GPM6A: variants seen among roughly 807,000 people sequenced by gnomAD.
GPM6A encodes the protein glycoprotein M6A.
GPM6A carries 7 observed loss-of-function variants against 32.1 expected under a neutral mutation model. The observed-to-expected ratio is 0.22, with a 90% CI of 0.12 to 0.41. The LOEUF (loss-of-function observed/expected upper bound fraction) is 0.41, where lower values mean the gene tolerates loss of function less well. Among genes scored for constraint, GPM6A ranks in the 10% least tolerant of loss-of-function variants. The pLI is 1.00. For synonymous variants in GPM6A, 130 were observed against 123.4 expected (o/e 1.05, Z -0.35); for missense variants, 235 against 347.2 (o/e 0.68, Z 2.57).
At chr4:175,669,919 T>C (rs1742959330) in intron 3 of GPM6A, among the ~76,000 whole-genome samples, 1 of 151,828 alleles carries the variant, frequency 6.6e-6, no homozygotes. Flanking sequence ...GAAACTTCTA[T>C]AAACCACTGG....
intron 1 of GPM6A, among the ~76,000 whole-genome samples, chr4:175,770,163 A>G (rs1472135124): frequency 6.6e-6 from 1 of 152,138 alleles, no homozygotes; most frequent in African/African-American, 2.4e-5. Context: ...AGTAGCTGAT[A>G]TTACAGGCAT....
At chr4:175,893,906 A>C (rs1464715221) in intron 1 of GPM6A, among the ~76,000 whole-genome samples, 1 of 152,204 alleles carries the variant, frequency 6.6e-6, no homozygotes, top group Non-Finnish European at 1.5e-5. Context: ...ATTAATTAAC[A>C]AAATGATATA....
rs74726482 is a variant in GPM6A, at chr4:175,742,953, C to T, written c.38-41186G>A. Among the ~76,000 whole-genome samples, 1,052 of 151,856 alleles carry T rather than the reference C, an allele frequency of 6.9e-3. 32 individuals are homozygous for T. In the East Asian group the frequency reaches 0.098, roughly 14 times the overall value. ...CTTGAGACCAGGGATTTGAGACTTG[C>T]CTGGGCAACATTGTAAGACCCCATT... On this transcript the variant is annotated intron_variant, in intron 1 of 6. Transcript: ENST00000393658.
intron 1 of GPM6A, among the ~76,000 whole-genome samples, chr4:175,791,771 G>A (rs541712158): frequency 9.9e-5 from 15 of 151,776 alleles, no homozygotes; most frequent in African/African-American, 3.4e-4. Flanking sequence ...ACACACACAC[G>A]CACACACAGA....
chr4:175,853,449 GT>G (rs1736321410), intron 1 of GPM6A, among the ~76,000 whole-genome samples: 1 of 148,838 alleles, frequency 6.7e-6, no homozygotes, highest in Admixed American at 6.7e-5. Context: ...TATTAAGGAA[GT>G]ATTAAATAAT....
chr4:175,817,720 A>T (rs981096108), intron 1 of GPM6A, among the ~76,000 whole-genome samples: 2 of 152,200 alleles, frequency 1.3e-5, no homozygotes, highest in African/African-American at 2.4e-5. Flanking sequence ...ATGAAGGCCT[A>T]TGGAGGGGGA....
intron 3 of GPM6A, among the ~76,000 whole-genome samples, chr4:175,661,338 G>C (rs931419497): frequency 6.6e-6 from 1 of 151,620 alleles, no homozygotes; most frequent in South Asian, 2.1e-4. Flanking sequence ...GGGAGGCTGA[G>C]CCAGGAGAAT....
intron 1 of GPM6A, among the ~76,000 whole-genome samples, chr4:175,847,160 A>T (rs1736116804): frequency 6.6e-6 from 1 of 152,144 alleles, no homozygotes; most frequent in Non-Finnish European, 1.5e-5. Context: ...GCCATTCAAC[A>T]CATCTTTGAA....
rs371038048 is a variant in GPM6A at position 175,818,318 on chromosome 4, T to C, written c.-22-6069A>G. 3.9e-5 allele frequency among the ~76,000 whole-genome samples: 6 copies of C among 152,348 alleles called. No homozygotes were observed. In the East Asian group the frequency reaches 9.6e-4, roughly 24 times the overall value. On this transcript the variant is annotated intron_variant, in intron 1 of 7. Coordinates refer to the GPM6A transcript ENST00000280187. ...TCAGATAGCTAGATCTACTCAGATC[T>C]CAGCTGGAAAGTGTTATCCTCAGGC...
intron 1 of GPM6A, among the ~76,000 whole-genome samples, chr4:175,848,661 C>T (rs983141595): frequency 2.6e-5 from 4 of 152,078 alleles, no homozygotes; most frequent in South Asian, 4.1e-4. Context: ...ATCCTGTACA[C>T]GTAAAATGAG....
chr4:175,866,624 T>C (rs1579579558), intron 1 of GPM6A, among the ~76,000 whole-genome samples: 1 of 152,190 alleles, frequency 6.6e-6, no homozygotes, highest in Admixed American at 6.6e-5. Flanking sequence ...ATGAATAATA[T>C]TTAATTGTCT....
intron 1 of GPM6A, among the ~76,000 whole-genome samples, chr4:175,930,790 C>A (rs1739014170): frequency 6.6e-6 from 1 of 151,980 alleles, no homozygotes; most frequent in South Asian, 2.1e-4. Context: ...GATTTTATTT[C>A]TTCTCAGTTA....
intron 1 of GPM6A, among the ~76,000 whole-genome samples, chr4:175,957,931 C>T (rs1740040402): frequency 6.6e-6 from 1 of 152,164 alleles, no homozygotes; most frequent in Non-Finnish European, 1.5e-5. Context: ...CTCACTGCAA[C>T]ACCCAGGCTG....
intron 1 of GPM6A, among the ~76,000 whole-genome samples, chr4:175,764,634 T>C (rs1172753851): frequency 6.6e-6 from 1 of 152,092 alleles, no homozygotes; most frequent in African/African-American, 2.4e-5. Context: ...ATAAAATGTA[T>C]ATCCTCAATG....
At chr4:175,667,445 T>G (rs1232649427) in intron 3 of GPM6A, among the ~76,000 whole-genome samples, 1 of 152,180 alleles carries the variant, frequency 6.6e-6, no homozygotes, top group Non-Finnish European at 1.5e-5. Context: ...ATGTTGTAGT[T>G]CTTAGTAGTC....
chr4:175,961,783 T>C (rs1161329473), intron 1 of GPM6A, among the ~76,000 whole-genome samples: 1 of 152,164 alleles, frequency 6.6e-6, no homozygotes, highest in Non-Finnish European at 1.5e-5. Context: ...AGGGAAAATA[T>C]TCTGCCAGTG....
intron 1 of GPM6A, among the ~76,000 whole-genome samples, chr4:175,733,696 C>T (rs1731530689): frequency 6.6e-6 from 1 of 152,072 alleles, no homozygotes; most frequent in Admixed American, 6.6e-5. Flanking sequence ...AGATCTAACT[C>T]ATTCATTCTA....
chr4:175,876,899 G>T (rs1737100337), intron 1 of GPM6A, among the ~76,000 whole-genome samples: 1 of 152,144 alleles, frequency 6.6e-6, no homozygotes. Context: ...CAAGATTATA[G>T]CTAAGAGATA....
chr4:175,808,215 TAGTC>T (rs1320703713), intron 1 of GPM6A, among the ~76,000 whole-genome samples: 4 of 152,198 alleles, frequency 2.6e-5, no homozygotes, highest in Admixed American at 1.3e-4. Flanking sequence ...AAGAGACTTT[TAGTC>T]AGCCTATAAG....
Sources: allele counts gnomAD v4.1 joint callset (sites outside exome capture counted in the v4.1 genomes callset), GRCh38; gene constraint gnomAD v4.1.1; transcripts MANE v1.5; gene names NCBI Gene and HGNC (gene_info 2026-07-23, HGNC 2026-07-21).